The following KDM5B variants were observed in gnomAD, a reference collection of about 807,000 sequenced individuals.
KDM5B encodes the protein lysine demethylase 5B, also known as lysine-specific demethylase 5B.
Under a neutral mutation model 193.4 loss-of-function variants are expected in KDM5B, and 144 were observed. The ratio of observed to expected loss-of-function variants is 0.74; its 90% confidence interval spans 0.65 to 0.86. The LOEUF is 0.86. Among genes scored for constraint, KDM5B ranks in the 40% least tolerant of loss-of-function variants. KDM5B has a pLI of 0.00. For synonymous variants in KDM5B, 668 were observed against 682.6 expected, an observed-to-expected ratio of 0.98 and a Z score of 0.33; for missense variants, 1,833 against 1,886.9, an observed-to-expected ratio of 0.97 and a Z score of 0.53.
chr1:202,741,132 G>T (rs1278844546), intron 19 of KDM5B, among the ~76,000 whole-genome samples: 1 of 152,130 alleles, frequency 6.6e-6, no homozygotes, highest in Admixed American at 6.5e-5. Flanking sequence ...ACCAACTCTA[G>T]AAAAGGTGTG....
rs997385375 is a variant in KDM5B at position 202,758,582 on chromosome 1, G to C, written c.1078-72C>G. The C allele has an allele frequency of 3.1e-6, 4 of 1,306,276 alleles. No individual in the cohort carries two copies. The African/African-American group carries it at 4.4e-5, about 14-fold the overall frequency. The allele number at this position is 1,306,276 out of a possible 1,614,324, so 80.9% of individuals were successfully genotyped here. ...GTATACTTGGTCAATCATCAAGCTGGCAGATAAAAAACAAGGCTTTAATTT... is the reference window on the plus strand; with the variant it reads ...GTATACTTGGTCAATCATCAAGCTGCCAGATAAAAAACAAGGCTTTAATTT... On this transcript the variant is annotated intron_variant, in intron 8 of 26. Transcript: ENST00000367265.
At chr1:202,771,269 T>A (rs923166676) in intron 4 of KDM5B, among the ~76,000 whole-genome samples, 3 of 152,234 alleles carry the variant, frequency 2.0e-5, no homozygotes, top group Non-Finnish European at 2.9e-5. Context: ...TCTCATTCTG[T>A]CACCCAGGCT....
chr1:202,751,379 G>A (rs1056607376), intron 12 of KDM5B, among the ~76,000 whole-genome samples: 3 of 152,026 alleles, frequency 2.0e-5, no homozygotes, highest in Non-Finnish European at 4.4e-5. Flanking sequence ...CATCCACTAG[G>A]AGCTTGTTGG....
chr1:202,798,544 T>C (rs1657945013), intron 1 of KDM5B, among the ~76,000 whole-genome samples: 1 of 152,040 alleles, frequency 6.6e-6, no homozygotes, highest in Admixed American at 6.6e-5. Flanking sequence ...CTGGCTAACA[T>C]AGTGAGACAC....
Position 202,735,493 on chromosome 1 carries a change from G to A in KDM5B, c.3359C>T (p.Thr1120Ile). ...EPLPNGKKKS[T>I]KLESLSDLER... is the part of the protein sequence containing the mutation. ...CAGGTCACTCAGACTCTCTAATTTG[G>A]TGCTTTTTTTCTTTCCATTTGGCAA... Residue 1120 changes from threonine (T) to isoleucine (I), a missense_variant, in exon 22 of 27, where the codon ACC becomes ATC. Physicochemically the swap from Thr to Ile is moderately conservative, Grantham distance 89. Coordinates refer to ENST00000367265, the MANE Select transcript of KDM5B (RefSeq NM_006618.5). The A allele has an allele frequency of 1.2e-6, 2 of 1,613,964 alleles. No individual in the cohort carries two copies. Among genetic ancestry groups the A allele is most frequent in the Non-Finnish European group, 1.7e-6 (2 of 1,179,968 alleles).
At position 202,808,350 on chromosome 1, in the gene KDM5B, C is replaced by A; in HGVS notation, c.-45G>T. On this transcript the variant is annotated 5_prime_UTR_variant, in exon 1 of 27. Transcript: ENST00000367265. Reference sequence around the variant, plus strand: ...GCGAGGCGAAGGTGGGCTCCGGGACCGAGGCTGCGAGCTCCGCTCGGTCCG... The same window carrying A: ...GCGAGGCGAAGGTGGGCTCCGGGACAGAGGCTGCGAGCTCCGCTCGGTCCG... The A allele has an allele frequency of 6.7e-7, 1 of 1,493,066 alleles. No homozygotes were observed. The highest frequency in any genetic ancestry group is 8.9e-7 in the Non-Finnish European group (1 of 1,122,786). The allele number at this position is 1,493,066 out of a possible 1,614,324, so 92.5% of individuals were successfully genotyped here. A position where few individuals can be genotyped will look rare whatever the true frequency, so the allele number is the denominator to read the frequency against.
In KDM5B at chr1:202,755,468, C is replaced by A. The variant is rs940209075; in HGVS notation, c.1357-16G>T. The A allele has an allele frequency of 6.3e-7, 1 of 1,594,754 alleles. No homozygotes were observed. Among genetic ancestry groups the A allele is most frequent in the Non-Finnish European group, 8.6e-7 (1 of 1,164,632 alleles). ...CAAGATACTCCTAAAAATAAGAAGA[C>A]AAAAGAGGATAAAGGTTTAGCTATA... On this transcript the variant is annotated splice_polypyrimidine_tract_variant and intron_variant, in intron 10 of 26. Coordinates refer to ENST00000367265, the MANE Select transcript of KDM5B (RefSeq NM_006618.5).
intron 24 of KDM5B, 114 bp downstream of exon 24, chr1:202,731,714 C>A: frequency 1.2e-6 from 1 of 801,406 alleles, no homozygotes; most frequent in South Asian, 1.5e-5. Flanking sequence ...TAGCCTATAT[C>A]CTACATTTCA....
chr1:202,791,293 A>T (rs756602810), intron 1 of KDM5B, among the ~76,000 whole-genome samples: 1 of 152,220 alleles, frequency 6.6e-6, no homozygotes, highest in African/African-American at 2.4e-5. Flanking sequence ...CCTGGTATCA[A>T]TGGGATATAC....
intron 12 of KDM5B, among the ~76,000 whole-genome samples, 190 bp from the exon 13 acceptor site, chr1:202,750,968 T>A (rs1655767087): frequency 6.6e-6 from 1 of 152,158 alleles, no homozygotes; most frequent in African/African-American, 2.4e-5. Flanking sequence ...TGGAGCAGTA[T>A]CCCAGACTAC....
intron 7 of KDM5B, among the ~76,000 whole-genome samples, chr1:202,761,633 T>G (rs1464646064): frequency 2.0e-5 from 3 of 152,082 alleles, no homozygotes; most frequent in Non-Finnish European, 4.4e-5. Context: ...AATCATCCAA[T>G]ATGACTGCTG....
In KDM5B at chr1:202,755,509, A is replaced by G; in HGVS notation, c.1357-57T>C. ...TTTAGCTATACAATGCTAACGTTTT[A>G]GAAGGCCAGCTAAAAATATTATCCT... On this transcript the variant is annotated intron_variant, in intron 10 of 26. Transcript: ENST00000367265. The G allele has an allele frequency of 4.6e-6, 6 of 1,293,012 alleles. No homozygotes were observed. The South Asian group carries it at 8.3e-5, about 18-fold the overall frequency. 80.1% of individuals were successfully genotyped at this position (1,293,012 alleles called of 1,614,324 possible).
At chr1:202,766,565 TAA>T (rs752884490) in intron 5 of KDM5B, 4 of 423,534 alleles carry the variant, frequency 9.4e-6, no homozygotes, top group Non-Finnish European at 1.3e-5. Flanking sequence ...CCACTCTGTT[TAA>T]AAAAACTCCT....
intron 6 of KDM5B, among the ~76,000 whole-genome samples, chr1:202,763,093 C>A (rs978209751): frequency 1.3e-5 from 2 of 152,188 alleles, no homozygotes; most frequent in Non-Finnish European, 2.9e-5. Flanking sequence ...AAGACCAAGA[C>A]ATAACATATA....
Position 202,733,430 on chromosome 1 carries a change from A to G in KDM5B, c.3880T>C (p.Ser1294Pro). The change falls in exon 23 of 27, where the codon TCA becomes CCA. Residue 1294 changes from serine (S) to proline (P), a missense_variant. Physicochemically the swap from Ser to Pro is moderately conservative, Grantham distance 74. Around this residue, in one of 3 missense-constraint regions of KDM5B, gnomAD observed 1,379 missense variants for 1,349.6 expected, o/e 1.02. Transcript: ENST00000367265. ...SGLLYSRWQASAGQVSDTNKV... is the reference protein window; with the variant it reads ...SGLLYSRWQAPAGQVSDTNKV... ...TTTGTGTCTGACACCTGTCCTGCTG[A>G]GGCTTGCCATCTGCTATATAACAGT... The G allele has an allele frequency of 6.2e-7, 1 of 1,613,362 alleles. No individual in the cohort carries two copies. Among genetic ancestry groups the G allele is most frequent in the Non-Finnish European group, 8.5e-7 (1 of 1,179,312 alleles).
At chr1:202,761,227 C>G (rs1656237909) in intron 7 of KDM5B, among the ~76,000 whole-genome samples, 1 of 151,966 alleles carries the variant, frequency 6.6e-6, no homozygotes, top group African/African-American at 2.4e-5. Context: ...TGCTTGAAGC[C>G]AGGAGTTTGA....
chr1:202,808,239 G>GCGGGCC lies in KDM5B; in HGVS notation c.61_66dup (p.Gly21_Pro22dup). On this transcript the variant is annotated inframe_insertion, in exon 1 of 27. Transcript: ENST00000367265. ...TCGGGTGGAGGCAGGAACTCGCCCA[G>GCGGGCC]CGGGCCCGGGCCCCCGAGGGGCAGC... The GCGGGCC allele has an allele frequency of 3.1e-6, 5 of 1,611,730 alleles. No individual in the cohort carries two copies. The highest frequency in any genetic ancestry group is 4.2e-6 in the Non-Finnish European group (5 of 1,179,392).
chr1:202,760,086 G>A (rs1656185188), intron 8 of KDM5B, among the ~76,000 whole-genome samples: 1 of 152,230 alleles, frequency 6.6e-6, no homozygotes, highest in Non-Finnish European at 1.5e-5. Flanking sequence ...GCCGAGGTAG[G>A]AGGACTATTT....
Position 202,728,965 on chromosome 1 carries a change from G to A in KDM5B, c.*71C>T. 6.3e-7 allele frequency: 1 copy of A among 1,588,800 alleles called. No homozygotes were observed. Among genetic ancestry groups the A allele is most frequent in the Non-Finnish European group, 8.6e-7 (1 of 1,159,110 alleles). The stretch of plus-strand genomic sequence containing the variant: ...TGAGTACCAGTCCTGTAGCTTTGCT[G>A]AGATTTGAAGAAATCCTCTTGGTTG... On this transcript the variant is annotated 3_prime_UTR_variant, in exon 27 of 27. Coordinates refer to ENST00000367265, the MANE Select transcript of KDM5B (RefSeq NM_006618.5).
Sources: gnomAD v4.1 joint callset for allele counts (sites outside exome capture counted in the v4.1 genomes callset) on GRCh38, gnomAD v4.1.1 for gene constraint, gnomAD v4.1.1 regional missense constraint, MANE v1.5 for transcripts, NCBI Gene and HGNC (gene_info 2026-07-23, HGNC 2026-07-21) for gene names.